MYT1: variants seen among roughly 807,000 people sequenced by gnomAD.
The protein encoded by MYT1 is myelin transcription factor 1.
MYT1 carries 23 observed loss-of-function variants against 123.0 expected under a neutral mutation model. That is an observed-to-expected ratio of 0.19 (90% CI 0.13 to 0.26). The LOEUF (loss-of-function observed/expected upper bound fraction) is 0.26, where lower values mean the gene tolerates loss of function less well. Ranked by LOEUF, MYT1 falls within the 10% of genes least tolerant of loss-of-function variation. MYT1 has a pLI of 1.00. For synonymous variants in MYT1, 518 were observed against 575.3 expected (o/e 0.90, Z 1.43); for missense variants, 1,125 against 1,472.5 (o/e 0.76, Z 3.86).
In MYT1 at chr20:64,203,132, C is replaced by G. The variant is rs113950822; in HGVS notation, c.87-1903C>G. Among the ~76,000 whole-genome samples, 3 of 152,176 alleles carry G rather than the reference C, an allele frequency of 2.0e-5. No individual in the cohort carries two copies. The highest frequency in any genetic ancestry group is 2.9e-5 in the Non-Finnish European group (2 of 68,040). ...CGCTCCACGCACTTGGGCTCACAGC[C>G]GTGTCTCACACCCTCTGAGGCTGGG... On this transcript the variant is annotated intron_variant, in intron 4 of 22. Transcript: ENST00000328439. This position sits in a 1 kb window ranked among gnomAD's most constrained non-coding sequence, Gnocchi z 5.1.
Position 64,199,898 on chromosome 20 carries a change from C to T in MYT1, c.62C>T (p.Pro21Leu). 1 of 1,614,176 alleles carries T rather than the reference C, an allele frequency of 6.2e-7. No homozygotes were observed. Among genetic ancestry groups the T allele is most frequent in the African/African-American group, 1.3e-5 (1 of 75,056 alleles). Residue 21 changes from proline to leucine, a missense_variant, in exon 4 of 23, where the codon CCA becomes CTA. Pro to Leu is a moderately conservative substitution (Grantham distance 98). Around this residue, in one of 4 missense-constraint regions of MYT1, gnomAD observed 406 missense variants for 432.2 expected, o/e 0.94. Coordinates refer to ENST00000328439, the MANE Select transcript of MYT1 (RefSeq NM_004535.3). ...RTRSKALRGP[P>L]ETTAADLSCP... ...GTTTCTGTCTTTTTCCCAGGACCCCCAGAGACCACAGCTGCAGACCTCAGG... is the reference window on the plus strand; with the variant it reads ...GTTTCTGTCTTTTTCCCAGGACCCCTAGAGACCACAGCTGCAGACCTCAGG...
chr20:64,196,273 G>A lies in MYT1; in HGVS notation c.1-2589G>A, dbSNP rs545342126. ...TTGTGTGGTGGGGGCAGAAGGTCTG[G>A]GGGGCTGCCGTCCAGGGATCACCAA... On this transcript the variant is annotated intron_variant, in intron 2 of 22. Coordinates refer to ENST00000328439, the MANE Select transcript of MYT1 (RefSeq NM_004535.3). The surrounding 1 kb of genome is among the most constrained non-coding windows in gnomAD (Gnocchi z 4.3). 2.6e-5 allele frequency among the ~76,000 whole-genome samples: 4 copies of A among 152,300 alleles called. No homozygotes were observed. The highest frequency in any genetic ancestry group is 9.6e-5 in the African/African-American group (4 of 41,554).
Position 64,227,891 on chromosome 20 carries a change from G to A in MYT1, c.2595G>A (p.Leu865=). ...ITGNYASHRS[L]SGCPRAKKSG... Reference sequence around the variant, plus strand: ...TTTTTTCCTCTTTCGAAATCAGCTTGTCCGGCTGCCCTCGTGCAAAGAAAA... The same window carrying A: ...TTTTTTCCTCTTTCGAAATCAGCTTATCCGGCTGCCCTCGTGCAAAGAAAA... Residue 865 remains leucine, a synonymous_variant, in exon 18 of 23, where the codon TTG becomes TTA. Transcript: ENST00000328439. The A allele has an allele frequency of 1.2e-6, 2 of 1,612,486 alleles. No homozygotes were observed. The highest frequency in any genetic ancestry group is 1.7e-6 in the Non-Finnish European group (2 of 1,179,408).
chr20:64,182,156 T>C (rs1185217273), intron 1 of MYT1, among the ~76,000 whole-genome samples: 1 of 152,050 alleles, frequency 6.6e-6, no homozygotes, highest in Non-Finnish European at 1.5e-5. Context: ...AGGAAAAAAG[T>C]TTTTTGTTTT....
intron 14 of MYT1, 70 bp downstream of exon 14, chr20:64,222,117 C>A: frequency 6.4e-7 from 1 of 1,563,336 alleles, no homozygotes; most frequent in Non-Finnish European, 8.7e-7. Flanking sequence ...AGGCCCTGGT[C>A]CCAACCCATG....
intron 20 of MYT1, 52 bp from the exon 21 acceptor site, chr20:64,237,235 C>T (rs978013545): frequency 2.1e-5 from 32 of 1,515,948 alleles, no homozygotes; most frequent in Non-Finnish European, 2.7e-5. Context: ...AGCACTTTGG[C>T]CCAGGCCTGC....
chr20:64,236,049 C>A (rs370681228), intron 19 of MYT1, among the ~76,000 whole-genome samples: 2 of 26,238 alleles, frequency 7.6e-5, no homozygotes, highest in Admixed American at 6.2e-4. Flanking sequence ...CTGGGATGGT[C>A]GCGGTGGGTG....
chr20:64,220,085 C>T, intron 13 of MYT1, 103 bp downstream of exon 13: 1 of 1,393,150 alleles, frequency 7.2e-7, no homozygotes, highest in African/African-American at 1.5e-5. Context: ...TCCTCACAGG[C>T]TTCTGGAAGA....
intron 16 of MYT1, among the ~76,000 whole-genome samples, chr20:64,223,571 C>T (rs1379995286): frequency 6.6e-6 from 1 of 152,108 alleles, no homozygotes; most frequent in Non-Finnish European, 1.5e-5. Flanking sequence ...CTGAGCTCTG[C>T]TGTTTGCCTC....
chr20:64,214,548 G>T (rs974231549), intron 10 of MYT1, among the ~76,000 whole-genome samples: 1 of 152,186 alleles, frequency 6.6e-6, no homozygotes, highest in African/African-American at 2.4e-5. Flanking sequence ...CATCCTGCCT[G>T]GCTTCAAAGT....
At chr20:64,206,008 A>G (rs565983164) in intron 6 of MYT1, among the ~76,000 whole-genome samples, 4 of 152,182 alleles carry the variant, frequency 2.6e-5, no homozygotes, top group East Asian at 1.9e-4. Flanking sequence ...GTGTGTGAAC[A>G]CTGTGTGCGT....
chr20:64,213,781 G>T lies in MYT1; in HGVS notation c.1631+134G>T. 3 of 746,448 alleles carry T rather than the reference G, an allele frequency of 4.0e-6. No homozygotes were observed. Among genetic ancestry groups the T allele is most frequent in the Non-Finnish European group, 6.7e-6 (3 of 450,658 alleles). The allele number at this position is 746,448 out of a possible 1,614,324, so 46.2% of individuals were successfully genotyped here. A position where few individuals can be genotyped will look rare whatever the true frequency, so the allele number is the denominator to read the frequency against. ...AGTGTACGTGCATGTGAGTGTACGT[G>T]CATGTGAGTGTGCACATGCCCCGGG... On this transcript the variant is annotated intron_variant, in intron 10 of 22. Coordinates refer to ENST00000328439, the MANE Select transcript of MYT1 (RefSeq NM_004535.3). This position sits in a 1 kb window ranked among gnomAD's most constrained non-coding sequence, Gnocchi z 5.6.
chr20:64,208,498 G>C lies in MYT1; in HGVS notation c.1291+11G>C. 6.3e-7 allele frequency: 1 copy of C among 1,575,582 alleles called. No homozygotes were observed. The highest frequency in any genetic ancestry group is 1.2e-5 in the South Asian group (1 of 84,936). On this transcript the variant is annotated intron_variant, in intron 7 of 22. Coordinates refer to ENST00000328439, the MANE Select transcript of MYT1 (RefSeq NM_004535.3). The surrounding 1 kb of genome is among the most constrained non-coding windows in gnomAD (Gnocchi z 5.4). ...GTTACTACAGTAAAGGTAGGGCTCA[G>C]GGGTGGCCTGGCCCTGCAGACTCAT...
intron 18 of MYT1, among the ~76,000 whole-genome samples, chr20:64,230,175 C>T (rs1028677103): frequency 6.6e-6 from 1 of 152,150 alleles, no homozygotes; most frequent in Non-Finnish European, 1.5e-5. Context: ...AACAGTTTCC[C>T]TTGATGAAGG....
At chr20:64,207,002 G>A (rs941887245) in intron 6 of MYT1, among the ~76,000 whole-genome samples, 2 of 152,164 alleles carry the variant, frequency 1.3e-5, no homozygotes, top group African/African-American at 2.4e-5. Flanking sequence ...CTCCTCCTTG[G>A]TTCAAGGAAT....
chr20:64,176,677 T>C (rs967161994), intron 1 of MYT1, among the ~76,000 whole-genome samples: 57 of 152,322 alleles, frequency 3.7e-4, no homozygotes, highest in South Asian at 1.0e-3. Flanking sequence ...CGTGGAGCAG[T>C]GTGGAGTGGT....
intron 19 of MYT1, among the ~76,000 whole-genome samples, chr20:64,235,689 G>GGTGGTGGGTGACACTGGGCTGGCC (rs1568722674): frequency 0.012 from 1,065 of 88,754 alleles, 33 homozygotes; most frequent in Non-Finnish European, 0.015. Flanking sequence ...CTGGGCTGGT[G>GGTGGTGGGTGACACTGGGCTGGCC]GTGGTGGGTG....
rs1179263730 is a variant in MYT1, at chr20:64,205,792, C to G, written c.389C>G (p.Thr130Arg). Residue 130 changes from threonine to arginine, a missense_variant, in exon 6 of 23, where the codon ACA (threonine) becomes AGA (arginine). Physicochemically the swap from Thr to Arg is moderately conservative, Grantham distance 71 (BLOSUM62 -1). Coordinates refer to ENST00000328439, the MANE Select transcript of MYT1 (RefSeq NM_004535.3). Reference protein sequence around the residue: ...SGQDEIHRPETAEGRSPVKSH... With the variant: ...SGQDEIHRPERAEGRSPVKSH... Reference sequence around the variant, plus strand: ...CAGGACGAGATTCATCGCCCCGAGACAGCTGAAGGTGCTTTGTCGCTCTTT... The same window carrying G: ...CAGGACGAGATTCATCGCCCCGAGAGAGCTGAAGGTGCTTTGTCGCTCTTT... 6.2e-7 allele frequency: 1 copy of G among 1,613,660 alleles called. No individual in the cohort carries two copies. Among genetic ancestry groups the G allele is most frequent in the East Asian group, 2.2e-5 (1 of 44,886 alleles).
intron 4 of MYT1, 144 bp from the exon 5 acceptor site, chr20:64,204,891 G>A: frequency 2.8e-6 from 2 of 705,144 alleles, no homozygotes; most frequent in Non-Finnish European, 4.9e-6. Flanking sequence ...AATGGGGCGA[G>A]TTATTAATTT....
Sources: allele counts gnomAD v4.1 joint callset (sites outside exome capture counted in the v4.1 genomes callset), GRCh38; gene constraint gnomAD v4.1.1; regional missense constraint gnomAD v4.1.1; non-coding constraint Gnocchi (gnomAD v3.1); transcripts MANE v1.5; gene names NCBI Gene and HGNC (gene_info 2026-07-23, HGNC 2026-07-21).